Variants in QTGAL observed in about 807,000 individuals in gnomAD.
QTGAL encodes queuosine-tRNA galactosyltransferase, also known as BGnT-like protein 1.
At chr17:83,043,073 G>C in the QTGAL span, among the ~76,000 whole-genome samples, 4 of 152,180 alleles carry the variant, frequency 2.6e-5, no homozygotes, top group African/African-American at 9.7e-5. Flanking sequence ...CAGTTCTACC[G>C]TAACAGTCGG....
chr17:82,967,768 AAT>A, the QTGAL span, among the ~76,000 whole-genome samples: 1 of 41,204 alleles, frequency 2.4e-5, no homozygotes, highest in South Asian at 1.0e-3. Context: ...CTCTACAAAT[AAT>A]AATAATAATA....
At chr17:83,020,326 G>A in the QTGAL span, among the ~76,000 whole-genome samples, 2 of 152,280 alleles carry the variant, frequency 1.3e-5, no homozygotes, top group South Asian at 4.1e-4. Flanking sequence ...CGATAAGGAT[G>A]CCTGCACACA....
At chr17:82,944,335 A>C in the QTGAL span, 1 of 152,190 alleles carries the variant, frequency 6.6e-6, no homozygotes, top group Admixed American at 6.5e-5. Flanking sequence ...TGGCCTGGAA[A>C]GCCCTCTTTC....
At chr17:83,020,953 A>C in the QTGAL span, among the ~76,000 whole-genome samples, 2 of 152,242 alleles carry the variant, frequency 1.3e-5, no homozygotes, top group South Asian at 4.1e-4. Flanking sequence ...TGGTGGCCAC[A>C]GGAATATTTG....
the QTGAL span, among the ~76,000 whole-genome samples, chr17:83,027,397 T>C: frequency 3.9e-5 from 6 of 152,324 alleles, no homozygotes; most frequent in East Asian, 1.2e-3. Context: ...GAGACGTCGA[T>C]AGGACAGTCA....
At chr17:83,035,038 A>G in the QTGAL span, 11 of 1,605,152 alleles carry the variant, frequency 6.9e-6, no homozygotes, top group South Asian at 1.1e-4. Context: ...TACTTACCGA[A>G]TCCAAAAAGC....
the QTGAL span, chr17:82,948,346 T>C: frequency 6.6e-6 from 1 of 152,270 alleles, no homozygotes; most frequent in Non-Finnish European, 1.5e-5. Flanking sequence ...AAGCTGAGGA[T>C]GCAGCCACAC....
At chr17:82,967,785 A>C in the QTGAL span, among the ~76,000 whole-genome samples, 1 of 148,748 alleles carries the variant, frequency 6.7e-6, no homozygotes, top group Non-Finnish European at 1.5e-5. Flanking sequence ...ATAATAATAA[A>C]GTAGCTGGGC....
At chr17:82,945,215 T>C in the QTGAL span, 1 of 152,210 alleles carries the variant, frequency 6.6e-6, no homozygotes. Context: ...AAGAGAGAAT[T>C]AGAAAACTGG....
At chr17:83,028,043 G>A in the QTGAL span, among the ~76,000 whole-genome samples, 5 of 151,988 alleles carry the variant, frequency 3.3e-5, no homozygotes, top group Admixed American at 6.6e-5. Flanking sequence ...CCTGGGAGGC[G>A]GTGGTTGCAG....
At chr17:83,044,981 G>A in the QTGAL span, among the ~76,000 whole-genome samples, 57,019 of 151,258 alleles carry the variant, frequency 0.38, 11,219 homozygotes, top group East Asian at 0.58. Context: ...ATTGTAAAAG[G>A]AGAAGCAAAA....
At chr17:82,949,958 A>G in the QTGAL span, 1 of 152,248 alleles carries the variant, frequency 6.6e-6, no homozygotes, top group Non-Finnish European at 1.5e-5. Flanking sequence ...GGATGGGTAC[A>G]TAGGGCTGGT....
chr17:82,966,616 G>A, the QTGAL span, among the ~76,000 whole-genome samples: 4 of 152,118 alleles, frequency 2.6e-5, no homozygotes, highest in Non-Finnish European at 5.9e-5. Flanking sequence ...GAGAGATGGC[G>A]CTGGAACCAC....
At chr17:83,025,859 G>A in the QTGAL span, among the ~76,000 whole-genome samples, 6 of 152,354 alleles carry the variant, frequency 3.9e-5, no homozygotes, top group South Asian at 2.1e-4. Context: ...CATCCCTGTC[G>A]TGACGGGAGG....
the QTGAL span, among the ~76,000 whole-genome samples, chr17:82,978,090 G>A: frequency 2.0e-5 from 3 of 152,176 alleles, no homozygotes; most frequent in South Asian, 2.1e-4. The surrounding 1 kb of genome is among the most constrained non-coding windows in gnomAD (Gnocchi z 4.8). Flanking sequence ...GAGTAATTCC[G>A]TAATTTTAAA....
chr17:82,962,193 G>A, the QTGAL span, among the ~76,000 whole-genome samples: 7 of 152,094 alleles, frequency 4.6e-5, no homozygotes, highest in Non-Finnish European at 7.4e-5. Flanking sequence ...AAACTATCAC[G>A]GCCCAACCGC....
the QTGAL span, among the ~76,000 whole-genome samples, chr17:83,014,184 C>CA: frequency 2.2e-4 from 33 of 152,192 alleles, no homozygotes; most frequent in Admixed American, 8.5e-4. Flanking sequence ...ATGTCTAAGG[C>CA]GCTCAGCTTC....
At chr17:83,000,916 G>C in the QTGAL span, among the ~76,000 whole-genome samples, 69 of 152,316 alleles carry the variant, frequency 4.5e-4, no homozygotes, top group African/African-American at 1.6e-3. Context: ...ATGTAAAACT[G>C]CTGTGCAGGC....
chr17:82,946,696 A>G, the QTGAL span, among the ~76,000 whole-genome samples: 5 of 152,276 alleles, frequency 3.3e-5, no homozygotes, highest in Admixed American at 2.0e-4. Context: ...GAGTTCACCT[A>G]AAGTGGTGCT....
Sources: gnomAD v4.1 joint callset for allele counts (sites outside exome capture counted in the v4.1 genomes callset) on GRCh38, gnomAD v4.1.1 for gene constraint, Gnocchi (gnomAD v3.1) non-coding constraint, MANE v1.5 for transcripts, NCBI Gene and HGNC (gene_info 2026-07-23, HGNC 2026-07-21) for gene names.